ST8SIA1: variants seen among roughly 807,000 people sequenced by gnomAD.
The protein encoded by ST8SIA1 is ST8 alpha-N-acetyl-neuraminide alpha-2,8-sialyltransferase 1, also known as alpha-N-acetylneuraminide alpha-2,8-sialyltransferase.
In ST8SIA1, 16 loss-of-function variants were observed where a neutral mutation model predicts 35.9. That is an observed-to-expected ratio of 0.45 (90% CI 0.30 to 0.68). The LOEUF (loss-of-function observed/expected upper bound fraction) is 0.68. Ranked by LOEUF, ST8SIA1 falls within the 30% of genes least tolerant of loss-of-function variation. ST8SIA1 has a pLI of 0.09. For synonymous variants in ST8SIA1, 170 were observed against 169.6 expected, an observed-to-expected ratio of 1.00 and a Z score of -0.02; for missense variants, 383 against 453.6, an observed-to-expected ratio of 0.84 and a Z score of 1.41.
chr12:22,275,507 T>A (rs1444481862), intron 2 of ST8SIA1, among the ~76,000 whole-genome samples: 2 of 151,784 alleles, frequency 1.3e-5, no homozygotes, highest in Non-Finnish European at 2.9e-5. Flanking sequence ...TGAGCAGAGG[T>A]CACACCACTG....
chr12:22,246,320 T>C (rs898954390), intron 4 of ST8SIA1, among the ~76,000 whole-genome samples: 21 of 152,222 alleles, frequency 1.4e-4, no homozygotes, highest in Admixed American at 1.2e-3. Context: ...ACACACTTGG[T>C]GGCAGAAGTT....
At chr12:22,317,103 A>AT (rs904456420) in intron 1 of ST8SIA1, among the ~76,000 whole-genome samples, 5 of 151,876 alleles carry the variant, frequency 3.3e-5, no homozygotes, top group Middle Eastern at 3.4e-3. Flanking sequence ...TTTTTAAGGC[A>AT]TTTTTTTTAT....
intron 1 of ST8SIA1, among the ~76,000 whole-genome samples, chr12:22,289,188 G>A (rs1866143849): frequency 6.6e-6 from 1 of 152,148 alleles, no homozygotes. Context: ...TGCTAAATCT[G>A]GGGGGAGGAT....
intron 1 of ST8SIA1, among the ~76,000 whole-genome samples, chr12:22,327,701 A>T (rs543925254): frequency 1.3e-5 from 2 of 152,166 alleles, no homozygotes; most frequent in Non-Finnish European, 2.9e-5. Flanking sequence ...CAGCTGTTAT[A>T]TTACTTTCAA....
chr12:22,238,164 C>CCG (rs534678093), intron 4 of ST8SIA1, among the ~76,000 whole-genome samples: 4 of 36,942 alleles, frequency 1.1e-4, no homozygotes, highest in Non-Finnish European at 2.5e-4. Context: ...CTTGAGAACT[C>CCG]CCCCCCCAAC....
intron 2 of ST8SIA1, among the ~76,000 whole-genome samples, chr12:22,282,463 C>T (rs1866049029): frequency 6.6e-6 from 1 of 152,202 alleles, no homozygotes; most frequent in Non-Finnish European, 1.5e-5. Context: ...TGACTCATTC[C>T]TGATTAATGA....
intron 1 of ST8SIA1, among the ~76,000 whole-genome samples, chr12:22,307,513 T>C (rs1360439789): frequency 6.6e-6 from 1 of 152,092 alleles, no homozygotes; most frequent in East Asian, 1.9e-4. Flanking sequence ...TTCTAACAGA[T>C]GGGAAAGGGC....
chr12:22,241,275 G>C (rs1865537755), intron 4 of ST8SIA1, among the ~76,000 whole-genome samples: 1 of 152,096 alleles, frequency 6.6e-6, no homozygotes, highest in Non-Finnish European at 1.5e-5. Flanking sequence ...GTTGGAGGTG[G>C]GGCCTAATGG....
intron 4 of ST8SIA1, among the ~76,000 whole-genome samples, chr12:22,216,703 T>C (rs891362081): frequency 6.6e-6 from 1 of 152,210 alleles, no homozygotes; most frequent in African/African-American, 2.4e-5. Context: ...TGCTGTTCCC[T>C]AAGGCTAATG....
chr12:22,198,843 T>C lies in ST8SIA1; in HGVS notation c.*2709A>G, dbSNP rs570395049. The stretch of plus-strand genomic sequence containing the variant: ...AGAGGCTGACTTGTGCATTGTAAGA[T>C]CTTTAGCAGGATCCCTAACCTCTAC... On this transcript the variant is annotated 3_prime_UTR_variant, in exon 5 of 5. Transcript: ENST00000396037. 5.3e-5 allele frequency: 8 copies of C among 152,266 alleles called. No individual in the cohort carries two copies. In the South Asian group the frequency reaches 1.7e-3, roughly 32 times the overall value. The allele number at this position is 152,266 out of a possible 1,614,324, so 9.4% of individuals were successfully genotyped here.
rs1477561273 is a variant in ST8SIA1, at chr12:22,196,569, T to A, written c.*4983A>T. On this transcript the variant is annotated 3_prime_UTR_variant, in exon 5 of 5. Transcript: ENST00000396037. ...TATTGTGGCCTCATATTTAGGAGTT[T>A]ATAAACAGACGCTCTGGGCTTCAGA... 6.6e-6 allele frequency: 1 copy of A among 152,168 alleles called. No homozygotes were observed. Among genetic ancestry groups the A allele is most frequent in the South Asian group, 2.1e-4 (1 of 4,832 alleles). The allele number at this position is 152,168 out of a possible 1,614,324, so 9.4% of individuals were successfully genotyped here.
rs777483233 is a variant in ST8SIA1 at position 22,199,728 on chromosome 12, T to G, written c.*1824A>C. On this transcript the variant is annotated 3_prime_UTR_variant, in exon 5 of 5. Coordinates refer to ENST00000396037, the MANE Select transcript of ST8SIA1 (RefSeq NM_003034.4). ...ATGATGTAGAATTTTGCCAAGGGCT[T>G]TCCTATGTTTATGTCATGTTAAATT... 6.6e-6 allele frequency: 1 copy of G among 152,224 alleles called. No individual in the cohort carries two copies. The highest frequency in any genetic ancestry group is 2.4e-5 in the African/African-American group (1 of 41,462). 9.4% of individuals were successfully genotyped at this position (152,224 alleles called of 1,614,324 possible). A position where few individuals can be genotyped will look rare whatever the true frequency, so the allele number is the denominator to read the frequency against.
At chr12:22,211,159 T>C (rs1195202951) in intron 4 of ST8SIA1, among the ~76,000 whole-genome samples, 1 of 152,230 alleles carries the variant, frequency 6.6e-6, no homozygotes, top group Non-Finnish European at 1.5e-5. Context: ...GAGAGATGCA[T>C]AGGGCAATGT....
chr12:22,241,407 C>T (rs1865539472), intron 4 of ST8SIA1, among the ~76,000 whole-genome samples: 3 of 152,136 alleles, frequency 2.0e-5, no homozygotes, highest in East Asian at 1.9e-4. Flanking sequence ...GCAGCTCACT[C>T]GCTGTCTCTT....
At chr12:22,271,406 C>T (rs11608373) in intron 2 of ST8SIA1, among the ~76,000 whole-genome samples, 37,392 of 151,970 alleles carry the variant, frequency 0.25, 4,771 homozygotes, top group African/African-American at 0.33. Context: ...ATCTAAATCA[C>T]TCCTCAGTCA....
rs115665669 is a variant in ST8SIA1, at chr12:22,285,203, T to A, written c.381+1946A>T. Among the ~76,000 whole-genome samples the A allele has an allele frequency of 1.6e-3, 245 of 152,348 alleles. 1 individual carries two copies. Among genetic ancestry groups the A allele is most frequent in the African/African-American group, 5.4e-3 (225 of 41,584 alleles). ...TCCATTAGAAGCATTTGAGGAAGAT[T>A]TGAAATGAGGAGGAGAATTGGAACT... is the stretch of plus-strand genomic sequence containing the variant. On this transcript the variant is annotated intron_variant, in intron 2 of 4. Coordinates refer to ENST00000396037, the MANE Select transcript of ST8SIA1 (RefSeq NM_003034.4).
chr12:22,208,354 A>G (rs1443211833), intron 4 of ST8SIA1, among the ~76,000 whole-genome samples: 1 of 152,102 alleles, frequency 6.6e-6, no homozygotes, highest in East Asian at 1.9e-4. Context: ...AATATACAAA[A>G]TAATCAACTG....
At chr12:22,258,944 A>G (rs1277900409) in intron 2 of ST8SIA1, among the ~76,000 whole-genome samples, 3 of 152,166 alleles carry the variant, frequency 2.0e-5, no homozygotes, top group Non-Finnish European at 2.9e-5. Context: ...TAGGCTGTCA[A>G]ACCCCTCTGT....
intron 4 of ST8SIA1, 175 bp downstream of exon 4, chr12:22,248,831 T>C: frequency 3.7e-6 from 2 of 535,750 alleles, no homozygotes; most frequent in Non-Finnish European, 6.6e-6. Context: ...TAAAATATTG[T>C]TTGGATTCCC....
Sources: gnomAD v4.1 joint callset for allele counts (sites outside exome capture counted in the v4.1 genomes callset) on GRCh38, gnomAD v4.1.1 for gene constraint, MANE v1.5 for transcripts, NCBI Gene and HGNC (gene_info 2026-07-23, HGNC 2026-07-21) for gene names.